CRHR1: variants seen among roughly 807,000 people sequenced by gnomAD.
CRHR1 encodes the protein corticotropin-releasing hormone receptor 1.
In CRHR1, 28 loss-of-function variants were observed where a neutral mutation model predicts 56.0. The observed-to-expected ratio is 0.50, with a 90% CI of 0.37 to 0.69. The LOEUF is 0.69. CRHR1 is among the 30% of genes least tolerant of loss of function. The probability of loss-of-function intolerance (pLI) is 0.00; values close to 1 mark genes in which losing one functional copy is unlikely to be tolerated. For missense variants in CRHR1, 376 were observed against 548.0 expected (o/e 0.69, Z 3.13); for synonymous variants, 195 against 216.5 (o/e 0.90, Z 0.87).
At chr17:45,832,251 A>T (rs1212134411) in intron 8 of CRHR1, among the ~76,000 whole-genome samples, 1 of 152,086 alleles carries the variant, frequency 6.6e-6, no homozygotes, top group African/African-American at 2.4e-5. Context: ...ACAAAGCAAA[A>T]CAAAAACTGT....
At chr17:45,823,067 CA>C (rs2062078222) in intron 4 of CRHR1, among the ~76,000 whole-genome samples, 1 of 150,850 alleles carries the variant, frequency 6.6e-6, no homozygotes. Context: ...TCACTTGAAC[CA>C]GGGAGGCGGA....
At chr17:45,791,790 G>T (rs2061429387) in intron 1 of CRHR1, among the ~76,000 whole-genome samples, 1 of 149,758 alleles carries the variant, frequency 6.7e-6, no homozygotes, top group Non-Finnish European at 1.5e-5. Context: ...TGCCTCTGTG[G>T]GCCTGTGTGT....
In CRHR1 at chr17:45,804,175, T is replaced by C. The variant is rs142167068; in HGVS notation, c.34-2835T>C. On this transcript the variant is annotated intron_variant, in intron 1 of 12. Coordinates refer to ENST00000314537, the MANE Select transcript of CRHR1 (RefSeq NM_004382.5). ...AGAGAGATGAATGGGTTTGTTATCATCACTCCTGAGTCCCAGGCGCGAGTT... is the reference window on the plus strand; with the variant it reads ...AGAGAGATGAATGGGTTTGTTATCACCACTCCTGAGTCCCAGGCGCGAGTT... Among the ~76,000 whole-genome samples the C allele has an allele frequency of 9.2e-3, 1,394 of 152,296 alleles. 13 individuals carry two copies. Among genetic ancestry groups the C allele is most frequent in the Admixed American group, 0.011 (176 of 15,306 alleles).
chr17:45,784,717 C>T lies in CRHR1; in HGVS notation c.33+140C>T. 1.2e-6 allele frequency: 1 copy of T among 855,544 alleles called. No homozygotes were observed. The highest frequency in any genetic ancestry group is 1.6e-6 in the Non-Finnish European group (1 of 609,268). The allele number at this position is 855,544 out of a possible 1,614,324, so 53.0% of individuals were successfully genotyped here. On this transcript the variant is annotated intron_variant, in intron 1 of 12. Coordinates refer to ENST00000314537, the MANE Select transcript of CRHR1 (RefSeq NM_004382.5). The surrounding 1 kb of genome is among the most constrained non-coding windows in gnomAD (Gnocchi z 4.2). ...GGTCGGGGAAGGCTGGGCTCCGGGG[C>T]AGCCTAACTCTCTGGACCTTTGGAG...
Position 45,825,006 on chromosome 17 carries a change from C to T in CRHR1, c.327+3566C>T, listed in dbSNP as rs2062126836. On this transcript the variant is annotated intron_variant, in intron 4 of 12. Coordinates refer to ENST00000314537, the MANE Select transcript of CRHR1 (RefSeq NM_004382.5). ...CCTGGTGCCTAGCACTCTGGGTAATCGATTAGTTTAATTAGTGAAAATGCC... is the reference window on the plus strand; with the variant it reads ...CCTGGTGCCTAGCACTCTGGGTAATTGATTAGTTTAATTAGTGAAAATGCC... Among the ~76,000 whole-genome samples the T allele has an allele frequency of 2.6e-5, 4 of 151,978 alleles. No homozygotes were observed. The South Asian group carries it at 6.2e-4, about 24-fold the overall frequency.
At chr17:45,797,727 G>A in intron 1 of CRHR1, among the ~76,000 whole-genome samples, 1 of 152,144 alleles carries the variant, frequency 6.6e-6, no homozygotes, top group Admixed American at 6.5e-5. Flanking sequence ...GTAGGAGGGG[G>A]CAGATAAAAG....
At chr17:45,830,341 C>T (rs1439662685) in intron 6 of CRHR1, 76 bp from the exon 7 acceptor site, 1 of 1,581,512 alleles carries the variant, frequency 6.3e-7, no homozygotes, top group African/African-American at 1.3e-5. Context: ...CTGTCCTGCC[C>T]TGGGGAGGCC....
intron 1 of CRHR1, among the ~76,000 whole-genome samples, chr17:45,801,381 C>T (rs1168489579): frequency 6.6e-6 from 1 of 152,226 alleles, no homozygotes; most frequent in Non-Finnish European, 1.5e-5. Context: ...CTACCCCAGA[C>T]TTAAAATGGG....
At chr17:45,806,852 T>C (rs1044814370) in intron 1 of CRHR1, among the ~76,000 whole-genome samples, 158 bp from the exon 2 acceptor site, 1 of 151,434 alleles carries the variant, frequency 6.6e-6, no homozygotes, top group African/African-American at 2.4e-5. Context: ...AGAGAGGAGA[T>C]GAGGGGCGGG....
chr17:45,791,866 A>T (rs1221547649), intron 1 of CRHR1, among the ~76,000 whole-genome samples: 37 of 151,392 alleles, frequency 2.4e-4, no homozygotes, highest in Non-Finnish European at 4.0e-4. Context: ...ACACACACAC[A>T]CACACACACA....
At chr17:45,807,811 A>G (rs1301728363) in intron 2 of CRHR1, among the ~76,000 whole-genome samples, 2 of 152,182 alleles carry the variant, frequency 1.3e-5, no homozygotes, top group African/African-American at 4.8e-5. Context: ...TCATCCTCAC[A>G]AGAGTGTAAA....
intron 7 of CRHR1, 114 bp downstream of exon 7, chr17:45,830,684 C>T (rs1048241138): frequency 7.1e-5 from 99 of 1,389,800 alleles, no homozygotes; most frequent in Non-Finnish European, 9.1e-5. Context: ...CGGGTTGGGG[C>T]GGTAAGGTGT....
chr17:45,813,684 G>T (rs1413806692), intron 2 of CRHR1, among the ~76,000 whole-genome samples: 1 of 152,248 alleles, frequency 6.6e-6, no homozygotes, highest in African/African-American at 2.4e-5. Context: ...ATCAAAAGAT[G>T]AGCATTGAAA....
At chr17:45,795,229 A>G (rs2061496805) in intron 1 of CRHR1, among the ~76,000 whole-genome samples, 1 of 152,128 alleles carries the variant, frequency 6.6e-6, no homozygotes, top group Admixed American at 6.5e-5. Flanking sequence ...GAAGAGTGCA[A>G]TCCAGGTCCT....
At chr17:45,791,874 A>ACG (rs2061433792) in intron 1 of CRHR1, among the ~76,000 whole-genome samples, 1 of 151,548 alleles carries the variant, frequency 6.6e-6, no homozygotes, top group African/African-American at 2.4e-5. Context: ...ACACACACAC[A>ACG]CACACACACA....
chr17:45,821,696 C>G (rs2062045532), intron 4 of CRHR1, among the ~76,000 whole-genome samples: 1 of 152,332 alleles, frequency 6.6e-6, no homozygotes, highest in Admixed American at 6.5e-5. Flanking sequence ...CCTTCCTTCT[C>G]CCTGTGCTCA....
intron 4 of CRHR1, among the ~76,000 whole-genome samples, chr17:45,823,732 G>C (rs2062096344): frequency 6.6e-6 from 1 of 152,320 alleles, no homozygotes; most frequent in East Asian, 1.9e-4. Flanking sequence ...TCCTTCACCT[G>C]TAGCTCCCAC....
chr17:45,807,140 C>A, intron 2 of CRHR1, 43 bp downstream of exon 2: 1 of 1,555,666 alleles, frequency 6.4e-7, no homozygotes, highest in Non-Finnish European at 8.9e-7. Context: ...CTGGTCACCA[C>A]AATGCCCCCT....
Position 45,834,718 on chromosome 17 carries a change from C to T in CRHR1, c.1202C>T (p.Pro401Leu), listed in dbSNP as rs1398939410. 1 of 1,613,812 alleles carries T rather than the reference C, an allele frequency of 6.2e-7. No individual in the cohort carries two copies. Among genetic ancestry groups the T allele is most frequent in the South Asian group, 1.1e-5 (1 of 91,082 alleles). ...VARAMSIPTSPTRVSFHSIKQ... is the reference protein window; with the variant it reads ...VARAMSIPTSLTRVSFHSIKQ... ...CGTGCCATGTCCATCCCCACCTCCC[C>T]AACCCGTGTCAGCTTTCACAGCATC... The change falls in exon 13 of 13, where the codon CCA (proline) becomes CTA (leucine). Residue 401 changes from proline (P) to leucine (L), a missense_variant. Around this residue, in one of 2 missense-constraint regions of CRHR1, gnomAD observed 7 missense variants for 28.6 expected, o/e 0.25. Coordinates refer to ENST00000314537, the MANE Select transcript of CRHR1 (RefSeq NM_004382.5).
Sources: gnomAD v4.1 joint callset for allele counts (sites outside exome capture counted in the v4.1 genomes callset) on GRCh38, gnomAD v4.1.1 for gene constraint, gnomAD v4.1.1 regional missense constraint, Gnocchi (gnomAD v3.1) non-coding constraint, MANE v1.5 for transcripts, NCBI Gene and HGNC (gene_info 2026-07-23, HGNC 2026-07-21) for gene names.